Variants in MGAT5B observed in about 807,000 individuals in gnomAD.
The protein encoded by MGAT5B is N-acetylglucosaminyl-transferase Vb.
In MGAT5B, 54 loss-of-function variants were observed where a neutral mutation model predicts 95.1. The ratio of observed to expected loss-of-function variants is 0.57; its 90% CI spans 0.46 to 0.71. The LOEUF (loss-of-function observed/expected upper bound fraction) is 0.71. Among genes scored for constraint, MGAT5B ranks in the 30% least tolerant of loss-of-function variants. MGAT5B has a pLI of 0.00. For missense variants in MGAT5B, 935 were observed against 1,088.6 expected, an observed-to-expected ratio of 0.86 and a Z score of 1.99; for synonymous variants, 464 against 451.0, an observed-to-expected ratio of 1.03 and a Z score of -0.36.
rs749623455 is a variant in MGAT5B, at chr17:76,932,629, C to T, written c.1292-16C>T. 59 of 1,612,830 alleles carry T rather than the reference C, an allele frequency of 3.7e-5. No individual in the cohort carries two copies. Among genetic ancestry groups the T allele is most frequent in the South Asian group, 2.6e-4 (24 of 91,034 alleles). On this transcript the variant is annotated splice_polypyrimidine_tract_variant and intron_variant, in intron 10 of 17. Coordinates refer to ENST00000569840, the MANE Select transcript of MGAT5B (RefSeq NM_001199172.2). ...TTGTTTGGTGACCCCATTCCTTCTG[C>T]GTGCTCGGGCTGCAGCTCATACCCC...
At chr17:76,902,764 G>A in intron 4 of MGAT5B, 94 bp downstream of exon 4, 2 of 963,196 alleles carry the variant, frequency 2.1e-6, no homozygotes, top group South Asian at 3.2e-5. Context: ...CTTGGGGTGT[G>A]GCCGACTTCT....
Position 76,948,100 on chromosome 17 carries a change from C to G in MGAT5B, c.2180+14C>G. Reference sequence around the variant, plus strand: ...CGCCTTCCTCAAGTGAGTGTTCCCCCACCCTCCCCACCCAGCCGCTATCAT... The same window carrying G: ...CGCCTTCCTCAAGTGAGTGTTCCCCGACCCTCCCCACCCAGCCGCTATCAT... On this transcript the variant is annotated intron_variant, in intron 17 of 17. Coordinates refer to ENST00000569840, the MANE Select transcript of MGAT5B (RefSeq NM_001199172.2). 3 of 1,561,916 alleles carry G rather than the reference C, an allele frequency of 1.9e-6. No homozygotes were observed. Among genetic ancestry groups the G allele is most frequent in the Non-Finnish European group, 2.6e-6 (3 of 1,152,290 alleles).
chr17:76,902,745 G>T (rs1968363306), intron 4 of MGAT5B, 75 bp downstream of exon 4: 3 of 1,061,516 alleles, frequency 2.8e-6, no homozygotes. Flanking sequence ...GCCCTGGGAG[G>T]GTGGGACACT....
At chr17:76,941,032 T>TGGG in intron 15 of MGAT5B, among the ~76,000 whole-genome samples, 184 bp downstream of exon 15, 1 of 152,318 alleles carries the variant, frequency 6.6e-6, no homozygotes, top group East Asian at 1.9e-4. Flanking sequence ...GAGAATGGAA[T>TGGG]GGGGGATCCC....
At chr17:76,921,184 C>T (rs369088181) in intron 8 of MGAT5B, among the ~76,000 whole-genome samples, 5 of 152,128 alleles carry the variant, frequency 3.3e-5, no homozygotes, top group East Asian at 1.9e-4. Context: ...AACAGGGCAC[C>T]GTCGCAGGAG....
intron 9 of MGAT5B, among the ~76,000 whole-genome samples, chr17:76,925,426 CT>C (rs1376082641): frequency 2.7e-5 from 4 of 149,210 alleles, no homozygotes; most frequent in Non-Finnish European, 5.9e-5. Context: ...GGACATTAAC[CT>C]GGGCTGTGAC....
Position 76,918,037 on chromosome 17 carries a change from C to T in MGAT5B, c.1026-6929C>T, listed in dbSNP as rs2145222288. Among the ~76,000 whole-genome samples the T allele has an allele frequency of 6.6e-6, 1 of 152,324 alleles. No individual in the cohort carries two copies. Among genetic ancestry groups the T allele is most frequent in the East Asian group, 1.9e-4 (1 of 5,184 alleles). On this transcript the variant is annotated intron_variant, in intron 8 of 17. Transcript: ENST00000569840. The surrounding 1 kb of genome is among the most constrained non-coding windows in gnomAD (Gnocchi z 5.1). ...TGAGTGTGTGGTCTCCTCCAGCTCT[C>T]CTGGGAGCATGGCCCTATTCTTAGC... is the stretch of plus-strand genomic sequence containing the variant.
At position 76,904,405 on chromosome 17, in the gene MGAT5B, C is replaced by A; in HGVS notation, c.673C>A (p.Pro225Thr). The change falls in exon 6 of 18, where the codon CCC (proline) becomes ACC (threonine). Residue 225 changes from proline (P) to threonine (T), a missense_variant. By Grantham distance (38) the Pro-to-Thr change is conservative. Around this residue, in one of 4 missense-constraint regions of MGAT5B, gnomAD observed 243 missense variants for 305.5 expected, o/e 0.80. Coordinates refer to ENST00000569840, the MANE Select transcript of MGAT5B (RefSeq NM_001199172.2). ...GACGGCTGCCCAGAGGGCACCCAAG[C>A]CCCTCCCCAAAGTCCAGGTGGGCCT... ...NQTAAQRAPK[P>T]LPKVQAVFRS... is the part of the protein sequence containing the mutation. 6.4e-7 allele frequency: 1 copy of A among 1,560,760 alleles called. No individual in the cohort carries two copies. Among genetic ancestry groups the A allele is most frequent in the Admixed American group, 1.9e-5 (1 of 51,876 alleles).
At chr17:76,887,525 C>CCCTCCCTTCCTT (rs1350119292) in intron 3 of MGAT5B, among the ~76,000 whole-genome samples, 1 of 74,080 alleles carries the variant, frequency 1.3e-5, no homozygotes, top group Non-Finnish European at 2.2e-5. Context: ...CTCCCTCCCT[C>CCCTCCCTTCCTT]CCTCCCTTCC....
chr17:76,937,319 G>A (rs958078472), intron 12 of MGAT5B, among the ~76,000 whole-genome samples: 2 of 152,150 alleles, frequency 1.3e-5, no homozygotes, highest in African/African-American at 4.8e-5. Context: ...CAGATAAGAT[G>A]GATGAATGAG....
chr17:76,927,298 G>T (rs1019322016), intron 10 of MGAT5B, among the ~76,000 whole-genome samples: 1 of 152,158 alleles, frequency 6.6e-6, no homozygotes, highest in Admixed American at 6.5e-5. Flanking sequence ...GTGCAGTGGT[G>T]TGATCTCCTC....
chr17:76,884,745 A>G (rs1967561207), intron 3 of MGAT5B, among the ~76,000 whole-genome samples: 1 of 152,050 alleles, frequency 6.6e-6, no homozygotes, highest in Admixed American at 6.6e-5. Flanking sequence ...CTGGGATTAC[A>G]GGCACATGCC....
intron 4 of MGAT5B, 57 bp from the exon 5 acceptor site, chr17:76,903,245 TC>T: frequency 7.1e-7 from 1 of 1,404,244 alleles, no homozygotes; most frequent in Non-Finnish European, 9.8e-7. Flanking sequence ...CACGCAGGCC[TC>T]CCTCCCTGGG....
Position 76,882,228 on chromosome 17 carries a change from G to A in MGAT5B, c.259G>A (p.Ala87Thr), listed in dbSNP as rs773984879. 34 of 1,613,484 alleles carry A rather than the reference G, an allele frequency of 2.1e-5. No homozygotes were observed. Among genetic ancestry groups the A allele is most frequent in the Non-Finnish European group, 2.7e-5 (32 of 1,179,926 alleles). The change falls in exon 3 of 18, where the codon GCA (alanine) becomes ACA (threonine). Residue 87 changes from alanine to threonine, a missense_variant. Physicochemically the swap from Ala to Thr is moderately conservative, Grantham distance 58. Coordinates refer to ENST00000569840, the MANE Select transcript of MGAT5B (RefSeq NM_001199172.2). ...LLELMVKRMD[A>T]LARLENSSEL... Reference sequence around the variant, plus strand: ...GGAGCTGATGGTGAAGCGCATGGACGCACTGGCCAGGCTGGAGAACAGCAG... The same window carrying A: ...GGAGCTGATGGTGAAGCGCATGGACACACTGGCCAGGCTGGAGAACAGCAG...
Position 76,905,287 on chromosome 17 carries a change from A to C in MGAT5B, c.809A>C (p.Gln270Pro). 3 of 1,608,132 alleles carry C rather than the reference A, an allele frequency of 1.9e-6. No homozygotes were observed. Among genetic ancestry groups the C allele is most frequent in the Non-Finnish European group, 2.6e-6 (3 of 1,175,806 alleles). ...ACAGCCCAGTGGGCGCTGGCTGCCC[A>C]GCGCCTGGCACAGAAGCTGGGGGCC... Reference protein sequence around the residue: ...RLTAQWALAAQRLAQKLGATQ... With the variant: ...RLTAQWALAAPRLAQKLGATQ... Residue 270 changes from glutamine to proline, a missense_variant, in exon 7 of 18, where the codon CAG becomes CCG. Coordinates refer to ENST00000569840, the MANE Select transcript of MGAT5B (RefSeq NM_001199172.2). This position sits in a 1 kb window ranked among gnomAD's most constrained non-coding sequence, Gnocchi z 4.2.
intron 3 of MGAT5B, among the ~76,000 whole-genome samples, chr17:76,900,094 A>G (rs560134853): frequency 1.6e-4 from 24 of 152,062 alleles, no homozygotes; most frequent in Admixed American, 8.5e-4. Flanking sequence ...AAAAGATGAG[A>G]CTGGTGAGCA....
At chr17:76,888,821 T>C (rs1365139670) in intron 3 of MGAT5B, among the ~76,000 whole-genome samples, 2 of 152,078 alleles carry the variant, frequency 1.3e-5, no homozygotes. Context: ...GCGTTGGTGG[T>C]ATAGTGGTGA....
chr17:76,892,284 G>A (rs146183870), intron 3 of MGAT5B, among the ~76,000 whole-genome samples: 230 of 152,328 alleles, frequency 1.5e-3, no homozygotes, highest in African/African-American at 5.2e-3. Context: ...CTGACCTCAG[G>A]TGATCCGCCC....
At chr17:76,935,886 TTATATA>T (rs1375522379) in intron 12 of MGAT5B, among the ~76,000 whole-genome samples, 3 of 51,098 alleles carry the variant, frequency 5.9e-5, no homozygotes, top group African/African-American at 7.4e-5. Flanking sequence ...ATATTATATA[TTATATA>T]ATTATATATA....
Sources: gnomAD v4.1 joint callset for allele counts (sites outside exome capture counted in the v4.1 genomes callset) on GRCh38, gnomAD v4.1.1 for gene constraint, gnomAD v4.1.1 regional missense constraint, Gnocchi (gnomAD v3.1) non-coding constraint, MANE v1.5 for transcripts, NCBI Gene and HGNC (gene_info 2026-07-23, HGNC 2026-07-21) for gene names.